Variants in CAMK1D observed in about 807,000 individuals in gnomAD.
CAMK1D encodes calcium/calmodulin dependent protein kinase ID.
Under a neutral mutation model 47.7 loss-of-function variants are expected in CAMK1D, and 9 were observed. The ratio of observed to expected loss-of-function variants is 0.19; its 90% CI spans 0.11 to 0.33. The LOEUF (loss-of-function observed/expected upper bound fraction) is 0.33, where lower values mean the gene tolerates loss of function less well. CAMK1D is among the 10% of genes least tolerant of loss of function. The pLI, the probability that CAMK1D is intolerant of heterozygous loss-of-function variation, is 1.00. For synonymous variants in CAMK1D, 184 were observed against 184.9 expected (o/e 0.99, Z 0.04); for missense variants, 291 against 488.7 (o/e 0.60, Z 3.81).
intron 1 of CAMK1D, among the ~76,000 whole-genome samples, chr10:12,541,933 C>T (rs1386765868): frequency 2.1e-5 from 3 of 145,166 alleles, no homozygotes; most frequent in East Asian, 2.1e-4. Context: ...TGGAGTGCAG[C>T]GGTGCAATCA....
At chr10:12,757,108 C>T (rs963327709) in intron 3 of CAMK1D, among the ~76,000 whole-genome samples, 1 of 151,950 alleles carries the variant, frequency 6.6e-6, no homozygotes, top group Non-Finnish European at 1.5e-5. Flanking sequence ...GAGCCTCTCT[C>T]CTAATAGCTA....
intron 6 of CAMK1D, among the ~76,000 whole-genome samples, chr10:12,797,391 C>CTT (rs1030429253): frequency 6.8e-6 from 1 of 146,376 alleles, no homozygotes; most frequent in Non-Finnish European, 1.5e-5. Flanking sequence ...ACACAACAAA[C>CTT]TTTTTTTTTT....
At chr10:12,547,202 T>G (rs1196758427) in intron 1 of CAMK1D, among the ~76,000 whole-genome samples, 1 of 151,908 alleles carries the variant, frequency 6.6e-6, no homozygotes, top group Non-Finnish European at 1.5e-5. Context: ...CAAAGAACTT[T>G]AGGAAGGAGG....
At position 12,829,174 on chromosome 10, in the gene CAMK1D, C is replaced by T; in HGVS notation, c.*287C>T. ...GGACCTTCTTATTCCTCTCCCCTAA[C>T]ACCATCGTTTCCACTCTTCTCAGTG... is the stretch of plus-strand genomic sequence containing the variant. On this transcript the variant is annotated 3_prime_UTR_variant, in exon 11 of 11. Transcript: ENST00000619168. 3.4e-6 allele frequency: 1 copy of T among 292,282 alleles called. No homozygotes were observed. Among genetic ancestry groups the T allele is most frequent in the Non-Finnish European group, 6.3e-6 (1 of 158,656 alleles). 18.1% of individuals were successfully genotyped at this position (292,282 alleles called of 1,614,324 possible).
chr10:12,522,523 T>C (rs548510033), intron 1 of CAMK1D, among the ~76,000 whole-genome samples: 9 of 151,924 alleles, frequency 5.9e-5, no homozygotes, highest in African/African-American at 9.7e-5. Context: ...GGCAAGGTCA[T>C]AGATCAACAG....
chr10:12,801,327 ATCT>A (rs1307534180), intron 6 of CAMK1D, among the ~76,000 whole-genome samples: 2 of 108,666 alleles, frequency 1.8e-5, no homozygotes, highest in Admixed American at 8.9e-5. Flanking sequence ...CTATCTATCT[ATCT>A]ATCTATCTAT....
intron 3 of CAMK1D, among the ~76,000 whole-genome samples, chr10:12,711,235 G>A (rs1389983746): frequency 4.6e-5 from 7 of 152,196 alleles, no homozygotes; most frequent in African/African-American, 1.7e-4. Flanking sequence ...AGGAATCCAA[G>A]ATCTAGCCAT....
rs1837813560 is a variant in CAMK1D at position 12,586,250 on chromosome 10, A to G, written c.224+32894A>G. Among the ~76,000 whole-genome samples, 4 of 152,216 alleles carry G rather than the reference A, an allele frequency of 2.6e-5. No individual in the cohort carries two copies. The South Asian group carries it at 8.3e-4, about 32-fold the overall frequency. On this transcript the variant is annotated intron_variant, in intron 2 of 10. Coordinates refer to ENST00000619168, the MANE Select transcript of CAMK1D (RefSeq NM_153498.4). Reference sequence around the variant, plus strand: ...CTTAGTAACAGCAGTCTAACACAAAACTATAGCATTTCTGTCATGGCTAAA... The same window carrying G: ...CTTAGTAACAGCAGTCTAACACAAAGCTATAGCATTTCTGTCATGGCTAAA...
intron 1 of CAMK1D, among the ~76,000 whole-genome samples, chr10:12,412,873 C>T (rs188012546): frequency 5.9e-5 from 9 of 152,144 alleles, no homozygotes; most frequent in African/African-American, 1.2e-4. Flanking sequence ...TTGGCCCTCC[C>T]GGGTCTTTCT....
intron 6 of CAMK1D, among the ~76,000 whole-genome samples, chr10:12,795,748 C>G (rs1838171059): frequency 6.6e-6 from 1 of 152,186 alleles, no homozygotes; most frequent in African/African-American, 2.4e-5. Flanking sequence ...CATTTATCTA[C>G]TATTCATCAT....
At position 12,522,913 on chromosome 10, in the gene CAMK1D, G is replaced by C. The variant is rs1228423074; in HGVS notation, c.93-30312G>C. 9.2e-4 allele frequency among the ~76,000 whole-genome samples: 75 copies of C among 81,708 alleles called. 19 individuals carry two copies. The highest frequency in any genetic ancestry group is 2.1e-4 in the Non-Finnish European group (8 of 37,422). 53.6% of individuals were successfully genotyped at this position (81,708 alleles called of 152,430 possible). The stretch of plus-strand genomic sequence containing the variant: ...TCCCGGACGGGGCGGCTGGCCGGGC[G>C]GGGGCTGACCCCCCACCTGCCTCCC... On this transcript the variant is annotated intron_variant, in intron 1 of 10. Transcript: ENST00000619168.
At chr10:12,535,990 A>ACG (rs1564397534) in intron 1 of CAMK1D, among the ~76,000 whole-genome samples, 13 of 152,142 alleles carry the variant, frequency 8.5e-5, no homozygotes, top group Non-Finnish European at 1.5e-4. Flanking sequence ...GGGATGCTGT[A>ACG]TGTAAACCTG....
chr10:12,559,682 A>G (rs1306778913), intron 2 of CAMK1D, among the ~76,000 whole-genome samples: 1 of 152,098 alleles, frequency 6.6e-6, no homozygotes, highest in Non-Finnish European at 1.5e-5. Context: ...CCATCATCCC[A>G]TCATTGAGGA....
chr10:12,410,250 A>G (rs1049027894), intron 1 of CAMK1D, among the ~76,000 whole-genome samples: 1 of 152,278 alleles, frequency 6.6e-6, no homozygotes, highest in Non-Finnish European at 1.5e-5. Flanking sequence ...GTTACAAGGC[A>G]GAAATGCCAT....
intron 3 of CAMK1D, among the ~76,000 whole-genome samples, chr10:12,695,486 C>G (rs563369911): frequency 6.6e-6 from 1 of 152,286 alleles, no homozygotes; most frequent in East Asian, 1.9e-4. Context: ...CCTCCCTGGC[C>G]CTGTAGCCAC....
At chr10:12,413,906 A>G (rs912438148) in intron 1 of CAMK1D, among the ~76,000 whole-genome samples, 9 of 152,210 alleles carry the variant, frequency 5.9e-5, no homozygotes, top group African/African-American at 1.7e-4. Context: ...TAGAAATCCA[A>G]ATGTATTAAA....
intron 2 of CAMK1D, among the ~76,000 whole-genome samples, chr10:12,643,161 C>T (rs1839713476): frequency 6.6e-6 from 1 of 152,162 alleles, no homozygotes; most frequent in African/African-American, 2.4e-5. Flanking sequence ...CCCACCACAC[C>T]TGGCTAATTT....
intron 3 of CAMK1D, among the ~76,000 whole-genome samples, chr10:12,743,071 C>T (rs1457708310): frequency 2.6e-5 from 4 of 152,002 alleles, no homozygotes; most frequent in Non-Finnish European, 2.9e-5. Context: ...GGCTGGGTGC[C>T]GTGGCTCACG....
At chr10:12,743,245 G>T (rs1371991489) in intron 3 of CAMK1D, among the ~76,000 whole-genome samples, 2 of 151,710 alleles carry the variant, frequency 1.3e-5, no homozygotes, top group African/African-American at 4.8e-5. Flanking sequence ...TACTTGGGAG[G>T]CTGAGGCAGG....
Sources: allele counts gnomAD v4.1 joint callset (sites outside exome capture counted in the v4.1 genomes callset), GRCh38; gene constraint gnomAD v4.1.1; transcripts MANE v1.5; gene names NCBI Gene and HGNC (gene_info 2026-07-23, HGNC 2026-07-21).